GLT8D2: variants seen among roughly 807,000 people sequenced by gnomAD.
GLT8D2 encodes glycosyltransferase 8 domain-containing protein 2.
Under a neutral mutation model 44.5 loss-of-function variants are expected in GLT8D2, and 45 were observed. The ratio of observed to expected loss-of-function variants is 1.01; its 90% CI spans 0.80 to 1.30. The LOEUF (loss-of-function observed/expected upper bound fraction) is 1.30, where lower values mean the gene tolerates loss of function less well. Ranked by LOEUF, GLT8D2 falls within the 50% of genes most tolerant of loss-of-function variation. GLT8D2 has a pLI of 0.00. For missense variants in GLT8D2, 400 were observed against 430.4 expected (o/e 0.93, Z 0.62); for synonymous variants, 156 against 157.2 (o/e 0.99, Z 0.06).
chr12:104,032,456 T>A (rs1324085266), intron 1 of GLT8D2, among the ~76,000 whole-genome samples: 6 of 81,078 alleles, frequency 7.4e-5, no homozygotes, highest in African/African-American at 4.2e-4. Context: ...AAAGGAGTGA[T>A]GTGCAATAGC....
chr12:103,989,660 TA>T (rs1566187316), intron 10 of GLT8D2, 83 bp from the exon 11 acceptor site: 7 of 1,205,968 alleles, frequency 5.8e-6, no homozygotes, highest in Non-Finnish European at 8.1e-6. Flanking sequence ...GTTCATAGTT[TA>T]AAAAAAGGTA....
Position 104,015,451 on chromosome 12 carries a change from G to A in GLT8D2, c.20-346C>T, listed in dbSNP as rs868168079. On this transcript the variant is annotated intron_variant, in intron 3 of 10. Transcript: ENST00000360814. ...ACACACACACAAATTAGCTGGGCGT[G>A]GTGGCATGCACCTGTAGTCTCAGCT... Among the ~76,000 whole-genome samples, 60 of 143,238 alleles carry A rather than the reference G, an allele frequency of 4.2e-4. 1 individual carries two copies. The highest frequency in any genetic ancestry group is 1.5e-3 in the African/African-American group (57 of 39,182). 94.0% of individuals were successfully genotyped at this position (143,238 alleles called of 152,430 possible). A position where few individuals can be genotyped will look rare whatever the true frequency, so the allele number is the denominator to read the frequency against.
At chr12:104,050,622 C>A (rs554201939), upstream of GLT8D2, among the ~76,000 whole-genome samples, 5 of 152,190 alleles carry the variant, frequency 3.3e-5, no homozygotes, top group South Asian at 1.0e-3. Context: ...CAGCAATCTG[C>A]GCTGTTCTGT....
intron 1 of GLT8D2, among the ~76,000 whole-genome samples, chr12:104,058,939 A>G (rs1566218202): frequency 6.6e-6 from 1 of 152,180 alleles, no homozygotes; most frequent in Non-Finnish European, 1.5e-5. Context: ...TAAGACAGCT[A>G]CTCAATTACG....
chr12:104,000,259 T>G (rs1874022509), intron 5 of GLT8D2, among the ~76,000 whole-genome samples: 1 of 152,002 alleles, frequency 6.6e-6, no homozygotes, highest in Non-Finnish European at 1.5e-5. Context: ...TAAAAAAAGA[T>G]AGACTAACAG....
intron 1 of GLT8D2, among the ~76,000 whole-genome samples, chr12:104,029,347 A>G (rs1244130471): frequency 6.6e-6 from 1 of 152,176 alleles, no homozygotes; most frequent in Non-Finnish European, 1.5e-5. Context: ...AAGAGCTACA[A>G]AGTTTATTTT....
At chr12:104,028,285 T>C (rs1468112674) in intron 1 of GLT8D2, among the ~76,000 whole-genome samples, 2 of 152,136 alleles carry the variant, frequency 1.3e-5, no homozygotes, top group Non-Finnish European at 2.9e-5. Context: ...ATGATGTGTG[T>C]GTGTGCATGT....
At chr12:104,035,051 C>T (rs1221652754) in intron 1 of GLT8D2, among the ~76,000 whole-genome samples, 1 of 152,194 alleles carries the variant, frequency 6.6e-6, no homozygotes, top group Non-Finnish European at 1.5e-5. Flanking sequence ...CCAGCAAACT[C>T]CAACAGACCT....
upstream of GLT8D2, among the ~76,000 whole-genome samples, chr12:104,054,549 A>C (rs1882011488): frequency 6.6e-6 from 1 of 151,730 alleles, no homozygotes; most frequent in African/African-American, 2.4e-5. Flanking sequence ...TACTGATTTT[A>C]TTTCCTTTGG....
chr12:104,060,371 C>T (rs1413798946), intron 1 of GLT8D2, among the ~76,000 whole-genome samples: 2 of 152,180 alleles, frequency 1.3e-5, no homozygotes, highest in African/African-American at 4.8e-5. Context: ...AGGTACTTTA[C>T]TGTGAAATGG....
intron 4 of GLT8D2, among the ~76,000 whole-genome samples, chr12:104,010,225 T>C (rs1349517665): frequency 6.6e-6 from 1 of 152,078 alleles, no homozygotes; most frequent in African/African-American, 2.4e-5. Context: ...CCCCTCATGA[T>C]CCAGCCCCTG....
intron 1 of GLT8D2, among the ~76,000 whole-genome samples, 154 bp downstream of exon 1, chr12:104,049,741 T>C (rs1881543129): frequency 6.6e-6 from 1 of 152,158 alleles, no homozygotes; most frequent in South Asian, 2.1e-4. Flanking sequence ...ATGCTACCAG[T>C]TCGGACTGGG....
chr12:104,047,045 T>C (rs1013456207), intron 1 of GLT8D2, among the ~76,000 whole-genome samples: 1 of 152,044 alleles, frequency 6.6e-6, no homozygotes, highest in Non-Finnish European at 1.5e-5. Flanking sequence ...CCTAGTCTGG[T>C]TTAGAACTCT....
At chr12:104,054,658 C>T (rs118076016), upstream of GLT8D2, among the ~76,000 whole-genome samples, 1,924 of 152,138 alleles carry the variant, frequency 0.013, 18 homozygotes, top group South Asian at 0.018. Flanking sequence ...GATTCTCCTC[C>T]TTGGATGTCC....
upstream of GLT8D2, among the ~76,000 whole-genome samples, chr12:104,052,680 G>C (rs1276936253): frequency 2.0e-5 from 3 of 152,122 alleles, no homozygotes; most frequent in African/African-American, 7.2e-5. Context: ...AATCCAGCAG[G>C]TGTGTCCTTT....
Position 103,989,557 on chromosome 12 carries a change from A to G in GLT8D2, c.901T>C (p.Tyr301His), listed in dbSNP as rs1872450145. The G allele has an allele frequency of 1.2e-6, 2 of 1,612,710 alleles. No homozygotes were observed. The highest frequency in any genetic ancestry group is 8.5e-7 in the Non-Finnish European group (1 of 1,179,428). ...RHLGWNPDAR[Y>H]SEHFLQEAKL... ...GCTTCCTGCAGAAAATGCTCCGAAT[A>G]TCTGGCATCTGGATTCCAGCCTTCA... is the stretch of plus-strand genomic sequence containing the variant. Residue 301 changes from tyrosine to histidine, a missense_variant, in exon 11 of 11, where the codon TAT becomes CAT. Transcript: ENST00000360814.
At position 104,003,139 on chromosome 12, in the gene GLT8D2, T is replaced by G; in HGVS notation, c.280A>C (p.Ile94Leu). ...VVGLRNTLTR[I>L]RKWIEHSKLR... ...AGTCTGTAAGACATAACTTACCGTA[T>G]TCGAGTCAGAGTATTCCGGAGTCCC... Residue 94 changes from isoleucine (I) to leucine (L), a missense_variant, in exon 5 of 11, where the codon ATA becomes CTA. Coordinates refer to ENST00000360814, the MANE Select transcript of GLT8D2 (RefSeq NM_001384711.1). 6.2e-7 allele frequency: 1 copy of G among 1,613,500 alleles called. No homozygotes were observed. Among genetic ancestry groups the G allele is most frequent in the East Asian group, 2.2e-5 (1 of 44,856 alleles).
intron 4 of GLT8D2, chr12:104,014,137 G>A: frequency 3.5e-6 from 2 of 564,094 alleles, no homozygotes; most frequent in South Asian, 4.7e-5. Context: ...GCCAAGGTAG[G>A]AGGACAGCTT....
intron 1 of GLT8D2, among the ~76,000 whole-genome samples, chr12:104,063,047 G>A (rs1882816275): frequency 6.6e-6 from 1 of 152,038 alleles, no homozygotes; most frequent in Non-Finnish European, 1.5e-5. Context: ...GATCTGAGGT[G>A]GAACAGTTTC....
Sources: allele counts gnomAD v4.1 joint callset (sites outside exome capture counted in the v4.1 genomes callset), GRCh38; gene constraint gnomAD v4.1.1; transcripts MANE v1.5; gene names NCBI Gene and HGNC (gene_info 2026-07-23, HGNC 2026-07-21).